The following MGRN1 variants were observed in gnomAD, a reference collection of about 807,000 sequenced individuals.
The protein encoded by MGRN1 is mahogunin ring finger 1.
Under a neutral mutation model 69.2 loss-of-function variants are expected in MGRN1, and 29 were observed. That is an observed-to-expected ratio of 0.42 (90% confidence interval 0.31 to 0.57). The LOEUF (loss-of-function observed/expected upper bound fraction) is 0.57, where lower values mean the gene tolerates loss of function less well. MGRN1 is among the 20% of genes least tolerant of loss of function. MGRN1 has a pLI of 0.15. For missense variants in MGRN1, 998 were observed against 796.2 expected (o/e 1.25, Z -3.05); for synonymous variants, 470 against 344.2 (o/e 1.37, Z -4.04).
chr16:4,628,357 G>A (rs1188092737), intron 1 of MGRN1, among the ~76,000 whole-genome samples: 2 of 139,106 alleles, frequency 1.4e-5, no homozygotes, highest in African/African-American at 5.3e-5. Flanking sequence ...TTGCACTCCA[G>A]CTGGGCGATA....
intron 10 of MGRN1, among the ~76,000 whole-genome samples, chr16:4,676,310 C>T (rs982951861): frequency 6.6e-6 from 1 of 152,180 alleles, no homozygotes; most frequent in Non-Finnish European, 1.5e-5. Context: ...CAGGGGTGGG[C>T]TGTCTAGGAA....
intron 1 of MGRN1, among the ~76,000 whole-genome samples, chr16:4,635,845 C>T (rs1898260659): frequency 7.7e-6 from 1 of 129,694 alleles, no homozygotes; most frequent in South Asian, 2.4e-4. Context: ...GATGTGGTTT[C>T]ACCATGTTGG....
At chr16:4,653,794 C>T (rs1380063175) in intron 4 of MGRN1, among the ~76,000 whole-genome samples, 3 of 151,806 alleles carry the variant, frequency 2.0e-5, no homozygotes, top group Non-Finnish European at 4.4e-5. Flanking sequence ...CTCTTGTTGC[C>T]CAGGCTGGAG....
Position 4,629,737 on chromosome 16 carries a change from CAA to C in MGRN1, c.88+4704_88+4705del, listed in dbSNP as rs58368787. Among the ~76,000 whole-genome samples, 871 of 110,786 alleles carry C rather than the reference CAA, an allele frequency of 7.9e-3. 9 individuals carry two copies. The highest frequency in any genetic ancestry group is 0.026 in the African/African-American group (802 of 31,396). The allele number at this position is 110,786 out of a possible 152,430, so 72.7% of individuals were successfully genotyped here. A position where few individuals can be genotyped will look rare whatever the true frequency, so the allele number is the denominator to read the frequency against. Reference sequence around the variant, plus strand: ...CTGGTGAAAGAGCGAGACACCGTCTCAAAAAAAAAAAAAAAATCATACAGGCG... The same window carrying C: ...CTGGTGAAAGAGCGAGACACCGTCTCAAAAAAAAAAAAAATCATACAGGCG... On this transcript the variant is annotated intron_variant, in intron 1 of 16. Transcript: ENST00000262370.
chr16:4,625,835 T>C (rs1684610), intron 1 of MGRN1, among the ~76,000 whole-genome samples: 136,068 of 152,180 alleles, frequency 0.89, 62,820 homozygotes, highest in East Asian at 1. Context: ...CTCGTGGGGT[T>C]CTTTGTGGTG....
intron 11 of MGRN1, among the ~76,000 whole-genome samples, chr16:4,679,101 C>G (rs1567232011): frequency 6.6e-6 from 1 of 152,360 alleles, no homozygotes; most frequent in South Asian, 2.1e-4. Flanking sequence ...ACCACGCTCT[C>G]CAGCACTTTT....
Position 4,688,062 on chromosome 16 carries a change from CCTG to C in MGRN1, c.1619-731_1619-729del, listed in dbSNP as rs970456271. 54 of 985,552 alleles carry C rather than the reference CCTG, an allele frequency of 5.5e-5. No homozygotes were observed. In the African/African-American group the frequency reaches 8.7e-4, roughly 16 times the overall value. 61.1% of individuals were successfully genotyped at this position (985,552 alleles called of 1,614,324 possible). On this transcript the variant is annotated intron_variant, in intron 16 of 16. Transcript: ENST00000262370. ...AGAACAGGGCTCACAGCCTCGGAAACCTGCTCTCGCCGCGGCCCCCGAAGAAAA... is the reference window on the plus strand; with the variant it reads ...AGAACAGGGCTCACAGCCTCGGAAACCTCTCGCCGCGGCCCCCGAAGAAAA...
intron 4 of MGRN1, 89 bp from the exon 5 acceptor site, chr16:4,657,157 C>T (rs1045456970): frequency 1.5e-5 from 18 of 1,236,606 alleles, no homozygotes; most frequent in Middle Eastern, 2.3e-4. Context: ...CAGGTGTCTG[C>T]GGCCCTTCCA....
At position 4,688,796 on chromosome 16, in the gene MGRN1, G is replaced by C. The variant is rs2079394948; in HGVS notation, c.1619G>C (p.Gly540Ala). The C allele has an allele frequency of 6.5e-7, 1 of 1,545,182 alleles. No homozygotes were observed. Among genetic ancestry groups the C allele is most frequent in the South Asian group, 1.2e-5 (1 of 84,084 alleles). The change falls in exon 17 of 17, where the codon GGA becomes GCA. Residue 540 changes from glycine to alanine, a missense_variant and splice_region_variant. By Grantham distance (60) the Gly-to-Ala change is moderately conservative. Transcript: ENST00000262370. ...RGPPADIYLP[G>A]RPTSMETAHG... ...CTCCTCCCTCTGCTCCCACCTGCAG[G>C]ACGGCCCACCTCCATGGAGACGGCC...
intron 1 of MGRN1, among the ~76,000 whole-genome samples, chr16:4,637,490 T>C (rs1341427246): frequency 2.6e-5 from 4 of 152,228 alleles, no homozygotes; most frequent in Non-Finnish European, 5.9e-5. Flanking sequence ...AGGAGCTCTT[T>C]CCTAAGTGCT....
intron 16 of MGRN1, among the ~76,000 whole-genome samples, chr16:4,684,658 T>C (rs1338494376): frequency 6.6e-6 from 1 of 152,232 alleles, no homozygotes; most frequent in Non-Finnish European, 1.5e-5. Flanking sequence ...CCAAGCACCT[T>C]CGTGCTCTGC....
chr16:4,667,576 TG>T (rs1365456114), intron 7 of MGRN1, among the ~76,000 whole-genome samples: 1 of 152,268 alleles, frequency 6.6e-6, no homozygotes, highest in Non-Finnish European at 1.5e-5. Flanking sequence ...GCTTTATTTT[TG>T]GAGTCCAACA....
chr16:4,669,209 A>C (rs2078884432), intron 8 of MGRN1: 1 of 152,234 alleles, frequency 6.6e-6, no homozygotes, highest in African/African-American at 2.4e-5. Flanking sequence ...CGAGGTGGGC[A>C]GATCACTTGA....
At chr16:4,671,598 A>AT (rs1339461887) in intron 9 of MGRN1, 139 bp downstream of exon 9, 20 of 729,942 alleles carry the variant, frequency 2.7e-5, no homozygotes, top group Middle Eastern at 2.4e-4. Context: ...TTTTTCCTTA[A>AT]TTTTTTTTAA....
Position 4,688,885 on chromosome 16 carries a change from G to A in MGRN1, c.1708G>A (p.Ala570Thr), listed in dbSNP as rs1043228901. 1.8e-5 allele frequency: 28 copies of A among 1,551,086 alleles called. No homozygotes were observed. Among genetic ancestry groups the A allele is most frequent in the East Asian group, 1.7e-4 (7 of 41,140 alleles). Reference sequence around the variant, plus strand: ...TGGTGGCCCCAGCCCCGATCCCAGCGCCGCCGAGCTGACCCCACTCTGAGA... The same window carrying A: ...TGGTGGCCCCAGCCCCGATCCCAGCACCGCCGAGCTGACCCCACTCTGAGA... ...PLGGPSPDPS[A>T]AELTPL The change falls in exon 17 of 17, where the codon GCC (alanine) becomes ACC (threonine). Residue 570 changes from alanine (A) to threonine (T), a missense_variant. Ala to Thr is a moderately conservative substitution (Grantham distance 58, BLOSUM62 0). Transcript: ENST00000262370.
intron 7 of MGRN1, among the ~76,000 whole-genome samples, chr16:4,665,559 G>A (rs1040725853): frequency 6.6e-6 from 1 of 151,758 alleles, no homozygotes; most frequent in Admixed American, 6.6e-5. Flanking sequence ...AGTAGAAACA[G>A]CGTTTCATCA....
In MGRN1 at chr16:4,690,901, C is replaced by T. The variant is rs969802950; in HGVS notation, c.*1993C>T. On this transcript the variant is annotated 3_prime_UTR_variant, in exon 17 of 17. Transcript: ENST00000262370. Reference sequence around the variant, plus strand: ...CGCTGGGACTCCCATGTGCTGCCGTCTGATGTGCTCAGATGGGCTCATCGT... The same window carrying T: ...CGCTGGGACTCCCATGTGCTGCCGTTTGATGTGCTCAGATGGGCTCATCGT... 2.0e-5 allele frequency: 3 copies of T among 151,990 alleles called. No homozygotes were observed. Among genetic ancestry groups the T allele is most frequent in the African/African-American group, 7.3e-5 (3 of 41,316 alleles). The allele number at this position is 151,990 out of a possible 1,614,324, so 9.4% of individuals were successfully genotyped here.
intron 1 of MGRN1, chr16:4,633,625 A>T (rs1898120846): frequency 6.6e-6 from 1 of 151,736 alleles, no homozygotes; most frequent in Admixed American, 6.6e-5. Flanking sequence ...CAGGAGGCAG[A>T]GGTTGCAGTG....
intron 1 of MGRN1, chr16:4,634,239 G>T (rs749562878): frequency 3.3e-5 from 5 of 152,344 alleles, no homozygotes; most frequent in African/African-American, 1.2e-4. Context: ...AGGTCTGGCT[G>T]CCAGTCCATG....
Sources: allele counts gnomAD v4.1 joint callset (sites outside exome capture counted in the v4.1 genomes callset), GRCh38; gene constraint gnomAD v4.1.1; transcripts MANE v1.5; gene names NCBI Gene and HGNC (gene_info 2026-07-23, HGNC 2026-07-21).